Variants in DNMT3A observed in about 807,000 individuals in gnomAD.
The protein encoded by DNMT3A is DNA methyltransferase 3 alpha.
Under a neutral mutation model 117.6 loss-of-function variants are expected in DNMT3A, and 267 were observed. That is an observed-to-expected ratio of 2.27 (90% CI 2.05 to 2.51). The LOEUF (loss-of-function observed/expected upper bound fraction) is 2.51, where lower values mean the gene tolerates loss of function less well. Ranked by LOEUF, DNMT3A falls within the 30% of genes most tolerant of loss-of-function variation. DNMT3A has a pLI of 0.00. For missense variants in DNMT3A, 1,029 were observed against 1,260.2 expected, an observed-to-expected ratio of 0.82 and a Z score of 2.78; for synonymous variants, 432 against 474.8, an observed-to-expected ratio of 0.91 and a Z score of 1.17.
chr2:25,317,357 T>G (rs1475925546), intron 1 of DNMT3A, among the ~76,000 whole-genome samples: 2 of 151,686 alleles, frequency 1.3e-5, no homozygotes, highest in African/African-American at 4.8e-5. Context: ...CCACCACACC[T>G]GGCCAAAAGA....
intron 1 of DNMT3A, among the ~76,000 whole-genome samples, chr2:25,325,141 G>C (rs903727670): frequency 1.4e-5 from 2 of 143,496 alleles, no homozygotes; most frequent in South Asian, 2.2e-4. Context: ...AAAAGTGAGC[G>C]GGGGGGGGAT....
chr2:25,231,771 C>T lies in DNMT3A; in HGVS notation c.*2508G>A, dbSNP rs1216826029. On this transcript the variant is annotated 3_prime_UTR_variant, in exon 23 of 23. Coordinates refer to ENST00000321117, the MANE Select transcript of DNMT3A (RefSeq NM_022552.5). ...CAGGGGCAAAAGAGATAGAACACTA[C>T]CTGCTAGAGGAGAGCACCTGCTAAA... 6.6e-6 allele frequency: 1 copy of T among 152,178 alleles called. No homozygotes were observed. Among genetic ancestry groups the T allele is most frequent in the Non-Finnish European group, 1.5e-5 (1 of 68,052 alleles). The allele number at this position is 152,178 out of a possible 1,614,324, so 9.4% of individuals were successfully genotyped here.
intron 2 of DNMT3A, 37 bp downstream of exon 2, chr2:25,313,876 C>T: frequency 6.5e-7 from 1 of 1,548,918 alleles, no homozygotes; most frequent in Non-Finnish European, 8.7e-7. Flanking sequence ...TCTCCCTCTC[C>T]CAGGCCAGAG....
At chr2:25,309,951 G>A (rs998585240) in intron 2 of DNMT3A, among the ~76,000 whole-genome samples, 1 of 152,130 alleles carries the variant, frequency 6.6e-6, no homozygotes, top group African/African-American at 2.4e-5. Flanking sequence ...AGCTACTCAG[G>A]AGGCTGAGGC....
chr2:25,267,123 C>G (rs1439314245), intron 6 of DNMT3A, among the ~76,000 whole-genome samples: 8 of 152,114 alleles, frequency 5.3e-5, no homozygotes, highest in Non-Finnish European at 1.2e-4. Flanking sequence ...AAAAACCAAG[C>G]TGTAAAATGA....
At position 25,317,822 on chromosome 2, in the gene DNMT3A, G is replaced by A. The variant is rs186419500; in HGVS notation, c.-177-3661C>T. 2.9e-4 allele frequency among the ~76,000 whole-genome samples: 44 copies of A among 152,316 alleles called. No homozygotes were observed. The East Asian group carries it at 7.5e-3, about 26-fold the overall frequency. ...GCGATCTCGGCTCACCGCAACCTCCGCCTCGCGGGTTCAAGCGATTCTCCT... is the reference window on the plus strand; with the variant it reads ...GCGATCTCGGCTCACCGCAACCTCCACCTCGCGGGTTCAAGCGATTCTCCT... On this transcript the variant is annotated intron_variant, in intron 1 of 22. Coordinates refer to ENST00000321117, the MANE Select transcript of DNMT3A (RefSeq NM_022552.5).
At chr2:25,307,910 CT>C (rs1280092993) in intron 2 of DNMT3A, among the ~76,000 whole-genome samples, 1 of 152,224 alleles carries the variant, frequency 6.6e-6, no homozygotes, top group Non-Finnish European at 1.5e-5. Flanking sequence ...ACCTAGGCCC[CT>C]GAAGGGATCT....
chr2:25,234,464 A>G lies in DNMT3A; in HGVS notation c.2598-44T>C. The stretch of plus-strand genomic sequence containing the variant: ...AGAGGGCAGGGTGAGTGCTGGCCAG[A>G]CCAGGCTGCCCGGAAGCCGTCTAAC... On this transcript the variant is annotated intron_variant, in intron 22 of 22. Coordinates refer to ENST00000321117, the MANE Select transcript of DNMT3A (RefSeq NM_022552.5). The surrounding 1 kb of genome is among the most constrained non-coding windows in gnomAD (Gnocchi z 4.5). 1 of 1,577,478 alleles carries G rather than the reference A, an allele frequency of 6.3e-7. No homozygotes were observed. The highest frequency in any genetic ancestry group is 8.6e-7 in the Non-Finnish European group (1 of 1,157,468).
upstream of DNMT3A, chr2:25,342,348 C>G (rs1187274520): frequency 6.6e-6 from 1 of 151,816 alleles, no homozygotes; most frequent in Non-Finnish European, 1.5e-5. This position sits in a 1 kb window ranked among gnomAD's most constrained non-coding sequence, Gnocchi z 5.9. Flanking sequence ...CTCGGCCGCG[C>G]TCCCGGCCAC....
chr2:25,251,128 G>A (rs1350424427), intron 6 of DNMT3A, among the ~76,000 whole-genome samples: 1 of 148,400 alleles, frequency 6.7e-6, no homozygotes, highest in African/African-American at 2.5e-5. Context: ...CAGGACTGGG[G>A]CAGTGGGGTG....
At chr2:25,341,422 G>C (rs1268677666) in intron 1 of DNMT3A, among the ~76,000 whole-genome samples, 1 of 145,588 alleles carries the variant, frequency 6.9e-6, no homozygotes, top group Non-Finnish European at 1.5e-5. Flanking sequence ...CGGAAGGCGG[G>C]GGCGGCCCGG....
chr2:25,317,535 A>G (rs1262863162), intron 1 of DNMT3A, among the ~76,000 whole-genome samples: 1 of 152,242 alleles, frequency 6.6e-6, no homozygotes, highest in Admixed American at 6.5e-5. Context: ...AGCACCAGGT[A>G]CTCTGGCACT....
At position 25,259,595 on chromosome 2, in the gene DNMT3A, C is replaced by T. The variant is rs769644933; in HGVS notation, c.640-11343G>A. Among the ~76,000 whole-genome samples the T allele has an allele frequency of 1.2e-4, 19 of 152,222 alleles. 1 individual carries two copies. Among genetic ancestry groups the T allele is most frequent in the Non-Finnish European group, 2.5e-4 (17 of 67,994 alleles). On this transcript the variant is annotated intron_variant, in intron 6 of 22. Coordinates refer to ENST00000321117, the MANE Select transcript of DNMT3A (RefSeq NM_022552.5). ...CTTCATGACAAGTTTGCTTTAGGGA[C>T]GTGTCGATGCTGTCACTTTGCTTTA...
At chr2:25,277,726 A>G (rs2031547610) in intron 4 of DNMT3A, among the ~76,000 whole-genome samples, 1 of 152,166 alleles carries the variant, frequency 6.6e-6, no homozygotes, top group Non-Finnish European at 1.5e-5. Flanking sequence ...GAGATCATTG[A>G]GTACTTGTTC....
Position 25,244,597 on chromosome 2 carries a change from CAGT to C in DNMT3A, c.1607_1609del (p.Tyr536del), listed in dbSNP as rs1674510134. 6.2e-7 allele frequency: 1 copy of C among 1,614,216 alleles called. No homozygotes were observed. Among genetic ancestry groups the C allele is most frequent in the Non-Finnish European group, 8.5e-7 (1 of 1,180,022 alleles). The stretch of plus-strand genomic sequence containing the variant: ...CTCACGGCCCCCACAGCAGATGGTG[CAGT>C]AGGACTGGTAGCCGTCGTCGTCGTA... On this transcript the variant is annotated inframe_deletion, in exon 14 of 23. Transcript: ENST00000321117.
chr2:25,269,809 C>A (rs183086826), intron 6 of DNMT3A, among the ~76,000 whole-genome samples: 46 of 152,332 alleles, frequency 3.0e-4, no homozygotes, highest in Admixed American at 2.5e-3. Context: ...TCAGGGACTG[C>A]AGAAATGTCT....
At position 25,234,397 on chromosome 2, in the gene DNMT3A, T is replaced by C; in HGVS notation, c.2621A>G (p.Tyr874Cys). 1.2e-6 allele frequency: 2 copies of C among 1,613,814 alleles called. No homozygotes were observed. Among genetic ancestry groups the C allele is most frequent in the Non-Finnish European group, 1.7e-6 (2 of 1,179,846 alleles). Residue 874 changes from tyrosine to cysteine, a missense_variant, in exon 23 of 23, where the codon TAT becomes TGT. Physicochemically the swap from Tyr to Cys is radical, Grantham distance 194 (BLOSUM62 -2). Coordinates refer to ENST00000321117, the MANE Select transcript of DNMT3A (RefSeq NM_022552.5). The surrounding 1 kb of genome is among the most constrained non-coding windows in gnomAD (Gnocchi z 4.5). Reference sequence around the variant, plus strand: ...GCGGCTCATGTTGGAGACGTCAGTATAGTGGACTGGGAAACCAAATACCCT... The same window carrying C: ...GCGGCTCATGTTGGAGACGTCAGTACAGTGGACTGGGAAACCAAATACCCT... ...MERVFGFPVH[Y>C]TDVSNMSRLA...
At chr2:25,240,528 A>G in intron 18 of DNMT3A, 78 bp from the exon 19 acceptor site, 1 of 1,581,206 alleles carries the variant, frequency 6.3e-7, no homozygotes. Context: ...CGGGGAGGGC[A>G]CGGGAAGACA....
At chr2:25,308,921 G>A (rs1038724405) in intron 2 of DNMT3A, among the ~76,000 whole-genome samples, 3 of 151,920 alleles carry the variant, frequency 2.0e-5, no homozygotes, top group African/African-American at 7.3e-5. Context: ...GACTTTGATG[G>A]GGAGGGGAAA....
Sources: gnomAD v4.1 joint callset for allele counts (sites outside exome capture counted in the v4.1 genomes callset) on GRCh38, gnomAD v4.1.1 for gene constraint, Gnocchi (gnomAD v3.1) non-coding constraint, MANE v1.5 for transcripts, NCBI Gene and HGNC (gene_info 2026-07-23, HGNC 2026-07-21) for gene names.